The following PDE10A variants were observed in gnomAD, a reference collection of about 807,000 sequenced individuals.
The protein encoded by PDE10A is cAMP and cAMP-inhibited cGMP 3',5'-cyclic phosphodiesterase 10A.
Under a neutral mutation model 97.7 loss-of-function variants are expected in PDE10A, and 39 were observed. The ratio of observed to expected loss-of-function variants is 0.40; its 90% CI spans 0.31 to 0.52. The LOEUF is 0.52. Ranked by LOEUF, PDE10A falls within the 20% of genes least tolerant of loss-of-function variation. PDE10A has a pLI of 0.56. For synonymous variants in PDE10A, 371 were observed against 376.8 expected, an observed-to-expected ratio of 0.98 and a Z score of 0.18; for missense variants, 731 against 1,047.8, an observed-to-expected ratio of 0.70 and a Z score of 4.17.
chr6:165,641,226 G>A (rs747118130), intron 1 of PDE10A, among the ~76,000 whole-genome samples: 15 of 151,994 alleles, frequency 9.9e-5, no homozygotes, highest in Non-Finnish European at 2.1e-4. Flanking sequence ...CATAAGAAAG[G>A]TTTTTTTAAA....
At chr6:165,894,833 T>C (rs1256775243) in intron 1 of PDE10A, among the ~76,000 whole-genome samples, 2 of 152,230 alleles carry the variant, frequency 1.3e-5, no homozygotes, top group Admixed American at 6.5e-5. Context: ...CCACAAGAAA[T>C]AAAAACCTTT....
At chr6:165,625,301 GTC>G (rs1788331360) in intron 1 of PDE10A, among the ~76,000 whole-genome samples, 3 of 152,232 alleles carry the variant, frequency 2.0e-5, no homozygotes, top group African/African-American at 7.2e-5. Flanking sequence ...TGTCTCACTG[GTC>G]CAGGAATGGG....
chr6:165,477,901 T>C (rs933893539), intron 3 of PDE10A, among the ~76,000 whole-genome samples: 1 of 152,166 alleles, frequency 6.6e-6, no homozygotes, highest in African/African-American at 2.4e-5. Flanking sequence ...TCTCCTTCTT[T>C]CTCTCCTCTG....
intron 1 of PDE10A, among the ~76,000 whole-genome samples, chr6:165,683,699 G>A (rs1791038609): frequency 6.6e-6 from 1 of 152,202 alleles, no homozygotes; most frequent in Admixed American, 6.5e-5. Context: ...GGAGGCCCCT[G>A]AGCTGCCAGG....
chr6:165,616,724 G>T (rs1162019936), intron 1 of PDE10A, among the ~76,000 whole-genome samples: 1 of 152,072 alleles, frequency 6.6e-6, no homozygotes, highest in African/African-American at 2.4e-5. Context: ...AGTTTTTCCT[G>T]AGCCCAACAA....
intron 1 of PDE10A, among the ~76,000 whole-genome samples, chr6:165,681,394 A>ATGTGTGTGTGTGTG (rs145137771): frequency 1.2e-3 from 187 of 150,560 alleles, no homozygotes; most frequent in African/African-American, 4.3e-3. Context: ...TCTTGGGAAA[A>ATGTGTGTGTGTGTG]TGTGTGTGTG....
intron 2 of PDE10A, among the ~76,000 whole-genome samples, chr6:165,528,470 G>A (rs532472885): frequency 6.6e-6 from 1 of 152,290 alleles, no homozygotes; most frequent in African/African-American, 2.4e-5. Context: ...CCCTCGATAT[G>A]GCACCATTTC....
chr6:165,396,401 G>C lies in PDE10A; in HGVS notation c.2135C>G (p.Ser712Cys), dbSNP rs1192696782. 11 of 1,612,896 alleles carry C rather than the reference G, an allele frequency of 6.8e-6. No homozygotes were observed. The highest frequency in any genetic ancestry group is 9.3e-6 in the Non-Finnish European group (11 of 1,179,260). Residue 712 changes from serine to cysteine, a missense_variant, in exon 14 of 22, where the codon TCC (serine) becomes TGC (cysteine). Ser to Cys is a moderately radical substitution (Grantham distance 112). Coordinates refer to ENST00000539869, the MANE Select transcript of PDE10A (RefSeq NM_001385079.1). ...CIYRVTMEKL[S>C]YHSICTSEEW... ...TTCTGAAGTACAAATGCTATGGTAG[G>C]ACAGCTTTTCCATCGTTACCCGGTA...
chr6:165,491,671 G>C (rs1780234229), intron 2 of PDE10A, among the ~76,000 whole-genome samples: 1 of 152,018 alleles, frequency 6.6e-6, no homozygotes, highest in Non-Finnish European at 1.5e-5. Context: ...CACTATAATA[G>C]TGACATGATC....
intron 1 of PDE10A, among the ~76,000 whole-genome samples, chr6:165,673,874 G>A (rs78226150): frequency 0.076 from 11,548 of 152,112 alleles, 718 homozygotes; most frequent in Admixed American, 0.16. Context: ...ATATAGAAGC[G>A]TGTTTATGAA....
chr6:165,750,807 T>A (rs1337425129), intron 1 of PDE10A, among the ~76,000 whole-genome samples: 1 of 152,184 alleles, frequency 6.6e-6, no homozygotes, highest in Non-Finnish European at 1.5e-5. Context: ...AAGTCTGACC[T>A]GCACAGAACG....
intron 1 of PDE10A, among the ~76,000 whole-genome samples, chr6:165,883,696 T>A (rs1171635981): frequency 6.6e-6 from 1 of 152,034 alleles, no homozygotes; most frequent in East Asian, 1.9e-4. Context: ...GCGGGCTTGC[T>A]GGGATCCTCG....
chr6:165,363,255 G>A (rs1018981068), intron 18 of PDE10A, among the ~76,000 whole-genome samples: 4 of 152,164 alleles, frequency 2.6e-5, no homozygotes, highest in Admixed American at 6.5e-5. Context: ...CATGACTCAC[G>A]CCTGTAATCC....
intron 1 of PDE10A, among the ~76,000 whole-genome samples, chr6:165,852,982 C>T (rs1780614395): frequency 6.6e-6 from 1 of 152,230 alleles, no homozygotes; most frequent in African/African-American, 2.4e-5. Flanking sequence ...CTAGTGGACG[C>T]CCGATGATCA....
intron 5 of PDE10A, among the ~76,000 whole-genome samples, chr6:165,443,077 G>T (rs1335321062): frequency 7.4e-6 from 1 of 135,926 alleles, no homozygotes; most frequent in East Asian, 2.2e-4. Context: ...ATACCACTGT[G>T]CTCCAGCCTG....
At chr6:165,545,234 A>G (rs753365077) in intron 1 of PDE10A, 7 of 499,144 alleles carry the variant, frequency 1.4e-5, no homozygotes, top group South Asian at 1.0e-4. Flanking sequence ...TCAACAATCC[A>G]TAATGACGAC....
At chr6:165,460,313 G>A (rs1449220451) in intron 3 of PDE10A, among the ~76,000 whole-genome samples, 1 of 152,324 alleles carries the variant, frequency 6.6e-6, no homozygotes, top group African/African-American at 2.4e-5. Context: ...TTACAATGGG[G>A]AAATTCAAGT....
At chr6:165,820,597 C>A (rs942357496) in intron 1 of PDE10A, among the ~76,000 whole-genome samples, 2 of 152,154 alleles carry the variant, frequency 1.3e-5, no homozygotes, top group Admixed American at 1.3e-4. Flanking sequence ...GAGCCCAGGC[C>A]CCCCAGCGTC....
chr6:165,536,681 C>G (rs987801881), intron 2 of PDE10A, among the ~76,000 whole-genome samples: 2 of 151,110 alleles, frequency 1.3e-5, no homozygotes, highest in Non-Finnish European at 3.0e-5. Flanking sequence ...CATACAAATA[C>G]CCAACAGGTA....
Sources: gnomAD v4.1 joint callset for allele counts (sites outside exome capture counted in the v4.1 genomes callset) on GRCh38, gnomAD v4.1.1 for gene constraint, MANE v1.5 for transcripts, NCBI Gene and HGNC (gene_info 2026-07-23, HGNC 2026-07-21) for gene names.